MED16: variants seen among roughly 807,000 people sequenced by gnomAD.
MED16 encodes the protein mediator of RNA polymerase II transcription subunit 16.
In MED16, 81 loss-of-function variants were observed where a neutral mutation model predicts 84.4. The ratio of observed to expected loss-of-function variants is 0.96; its 90% CI spans 0.80 to 1.15. The LOEUF (loss-of-function observed/expected upper bound fraction) is 1.15. Ranked by LOEUF, MED16 falls within the 50% of genes most tolerant of loss-of-function variation. The pLI is 0.00. For synonymous variants in MED16, 897 were observed against 552.2 expected, an observed-to-expected ratio of 1.62 and a Z score of -8.76; for missense variants, 1,585 against 1,245.9, an observed-to-expected ratio of 1.27 and a Z score of -4.10.
intron 4 of MED16, among the ~76,000 whole-genome samples, chr19:886,804 G>A (rs979183923): frequency 1.2e-4 from 19 of 152,190 alleles, no homozygotes; most frequent in Non-Finnish European, 2.1e-4. Flanking sequence ...GGCTGCGCAC[G>A]GTGGCTCTCG....
intron 10 of MED16, among the ~76,000 whole-genome samples, chr19:874,982 G>C (rs2036194473): frequency 6.6e-6 from 1 of 150,518 alleles, no homozygotes; most frequent in South Asian, 2.1e-4. Context: ...GGCCAACATG[G>C]TGAAACCCCG....
At chr19:875,022 G>A (rs1203000666) in intron 10 of MED16, among the ~76,000 whole-genome samples, 1 of 152,042 alleles carries the variant, frequency 6.6e-6, no homozygotes, top group Non-Finnish European at 1.5e-5. Flanking sequence ...AAATCAGCCG[G>A]GCGTGGTGGC....
intron 3 of MED16, 88 bp downstream of exon 3, chr19:890,049 C>G (rs573840027): frequency 2.9e-6 from 3 of 1,049,808 alleles, no homozygotes; most frequent in South Asian, 3.0e-5. Flanking sequence ...GACCCAGCGC[C>G]GGACTCCAGA....
chr19:871,474 TGA>T (rs1453783885), intron 12 of MED16: 2 of 1,451,476 alleles, frequency 1.4e-6, no homozygotes, highest in African/African-American at 2.8e-5. Flanking sequence ...TGGCCTGTCA[TGA>T]GACTCCCTCA....
chr19:873,628 C>A, intron 10 of MED16, 46 bp from the exon 11 acceptor site: 1 of 1,604,398 alleles, frequency 6.2e-7, no homozygotes, highest in Non-Finnish European at 8.5e-7. Flanking sequence ...CTTGTACACA[C>A]AGGGTGACCT....
rs1236782926 is a variant in MED16, at chr19:893,131, C to A, written c.-64G>T. 1 of 152,310 alleles carries A rather than the reference C, an allele frequency of 6.6e-6. No individual in the cohort carries two copies. The highest frequency in any genetic ancestry group is 6.5e-5 in the Admixed American group (1 of 15,292). The allele number at this position is 152,310 out of a possible 1,614,324, so 9.4% of individuals were successfully genotyped here. ...GCTCAGCGGGCGTCCGCGGTGCGAT[C>A]TTCCCTAGCGCCTCGGGTCTGGCGC... On this transcript the variant is annotated 5_prime_UTR_variant, in exon 1 of 16. Transcript: ENST00000325464.
chr19:882,152 C>A (rs576577904), intron 6 of MED16, among the ~76,000 whole-genome samples: 1 of 152,250 alleles, frequency 6.6e-6, no homozygotes, highest in Non-Finnish European at 1.5e-5. Context: ...ACAGCCCCTG[C>A]GTGAAGACGC....
At position 891,122 on chromosome 19, in the gene MED16, A is replaced by T. The variant is rs750947718; in HGVS notation, c.10T>A (p.Leu4Met). The T allele has an allele frequency of 3.2e-5, 51 of 1,613,050 alleles. No individual in the cohort carries two copies. The highest frequency in any genetic ancestry group is 1.6e-4 in the Middle Eastern group (1 of 6,076). ...ATCCCACCTGCCGCTGGCCGCCGCA[A>T]ATCACACATGAGGGCAGTCACCAGC... MCD[L>M]RRPAAGGMMD... Residue 4 changes from leucine to methionine, a missense_variant, in exon 2 of 16, where the codon TTG becomes ATG. Leu to Met is a conservative substitution (Grantham distance 15). Coordinates refer to ENST00000325464, the MANE Select transcript of MED16 (RefSeq NM_005481.3).
intron 9 of MED16, 71 bp downstream of exon 9, chr19:876,903 C>T: frequency 1.4e-6 from 2 of 1,479,946 alleles, no homozygotes; most frequent in East Asian, 4.9e-5. Flanking sequence ...CGGGGCCCCA[C>T]CTGCCACGGG....
intron 10 of MED16, among the ~76,000 whole-genome samples, chr19:874,779 G>A (rs10425219): frequency 2.0e-5 from 3 of 149,094 alleles, no homozygotes; most frequent in Non-Finnish European, 4.5e-5. Context: ...AGGCTGAGGC[G>A]AGATTGCTTG....
At chr19:871,331 C>CT in intron 12 of MED16, 78 bp from the exon 13 acceptor site, 1 of 1,433,292 alleles carries the variant, frequency 7.0e-7, no homozygotes, top group South Asian at 1.4e-5. Context: ...CTGGGAGCCC[C>CT]TCCAGTTCAG....
chr19:876,135 G>A (rs1392932402), intron 9 of MED16, among the ~76,000 whole-genome samples: 1 of 152,118 alleles, frequency 6.6e-6, no homozygotes, highest in Non-Finnish European at 1.5e-5. Flanking sequence ...CCGTGAATGG[G>A]ATTTTTTTTT....
intron 7 of MED16, 56 bp from the exon 8 acceptor site, chr19:880,204 G>A: frequency 1.3e-5 from 20 of 1,494,296 alleles, no homozygotes; most frequent in Non-Finnish European, 1.8e-5. Context: ...CGCCCGCCGG[G>A]GGAGGGGCCT....
At position 868,252 on chromosome 19, in the gene MED16, C is replaced by CTGCAGGGCGGGCTGAGG; in HGVS notation, c.2484-18_2484-2dup. 1 of 1,594,018 alleles carries CTGCAGGGCGGGCTGAGG rather than the reference C, an allele frequency of 6.3e-7. No individual in the cohort carries two copies. On this transcript the variant is annotated splice_acceptor_variant, in intron 15 of 15. Coordinates refer to ENST00000325464, the MANE Select transcript of MED16 (RefSeq NM_005481.3). LOFTEE classifies it high-confidence loss of function. Reference sequence around the variant, plus strand: ...GTCCGGCCCACGGCCTTCAACAGCCCTGCAGGGCGGGCTGAGGTTAACCGC... The same window carrying CTGCAGGGCGGGCTGAGG: ...GTCCGGCCCACGGCCTTCAACAGCCCTGCAGGGCGGGCTGAGGTGCAGGGCGGGCTGAGGTTAACCGC...
At chr19:886,908 G>A (rs948316319) in intron 4 of MED16, among the ~76,000 whole-genome samples, 7 of 151,904 alleles carry the variant, frequency 4.6e-5, no homozygotes, top group African/African-American at 1.7e-4. Context: ...AAAGCCTGTT[G>A]CTAATAAAAA....
In MED16 at chr19:873,385, G is replaced by A. The variant is rs1221146067; in HGVS notation, c.1905+64C>T. ...GGTTTTGAGGGGCAGGGGCAGGGAA[G>A]CGGGGTCCTGATGAGATGGGGGCCC... is the stretch of plus-strand genomic sequence containing the variant. On this transcript the variant is annotated intron_variant, in intron 11 of 15. Transcript: ENST00000325464. The A allele has an allele frequency of 7.1e-6, 11 of 1,539,582 alleles. No individual in the cohort carries two copies. The East Asian group carries it at 2.5e-4, about 35-fold the overall frequency.
chr19:871,517 G>C, intron 12 of MED16: 1 of 1,550,726 alleles, frequency 6.4e-7, no homozygotes, highest in Non-Finnish European at 8.7e-7. Context: ...GAAGCACTGT[G>C]CCTTTTCCAG....
intron 4 of MED16, among the ~76,000 whole-genome samples, chr19:887,559 G>C (rs376107227): frequency 1.3e-5 from 2 of 151,576 alleles, no homozygotes; most frequent in African/African-American, 2.4e-5. Flanking sequence ...CCAGCTACTC[G>C]GGAGGCTGAG....
At chr19:881,517 G>A (rs1294904358) in intron 7 of MED16, 42 bp downstream of exon 7, 8 of 1,583,630 alleles carry the variant, frequency 5.1e-6, no homozygotes, top group East Asian at 2.2e-5. Context: ...CTCCCCTGGT[G>A]TGAACTGAGG....
Sources: allele counts gnomAD v4.1 joint callset (sites outside exome capture counted in the v4.1 genomes callset), GRCh38; gene constraint gnomAD v4.1.1; transcripts MANE v1.5; gene names NCBI Gene and HGNC (gene_info 2026-07-23, HGNC 2026-07-21).